HGS: variants seen among roughly 807,000 people sequenced by gnomAD.
The protein encoded by HGS is hepatocyte growth factor-regulated tyrosine kinase substrate.
HGS carries 63 observed loss-of-function variants against 109.7 expected under a neutral mutation model. The observed-to-expected ratio is 0.57, with a 90% CI of 0.47 to 0.71. The LOEUF is 0.71. HGS is among the 30% of genes least tolerant of loss of function. The pLI is 0.00. For synonymous variants in HGS, 546 were observed against 437.3 expected, an observed-to-expected ratio of 1.25 and a Z score of -3.10; for missense variants, 995 against 1,068.3, an observed-to-expected ratio of 0.93 and a Z score of 0.96.
chr17:81,684,132 C>T (rs752782825), intron 1 of HGS, 29 bp downstream of exon 1: 8 of 1,536,800 alleles, frequency 5.2e-6, no homozygotes, highest in Non-Finnish European at 7.0e-6. Flanking sequence ...ACGGCTCGGC[C>T]TTGGTCAGCC....
rs771133922 is a variant in HGS at position 81,687,105 on chromosome 17, A to T, written c.291+10A>T. 1 of 1,606,940 alleles carries T rather than the reference A, an allele frequency of 6.2e-7. No homozygotes were observed. The highest frequency in any genetic ancestry group is 8.5e-7 in the Non-Finnish European group (1 of 1,175,288). On this transcript the variant is annotated intron_variant, in intron 4 of 21. Transcript: ENST00000329138. ...GAAGGACCTGCTGAAGGTGGGTGAG[A>T]CGGGGGCATGCGGGTGGCCACCCAG... is the stretch of plus-strand genomic sequence containing the variant.
In HGS at chr17:81,700,595, T is replaced by C. The variant is rs774433324; in HGVS notation, c.2011T>C (p.Tyr671His). ...SSYQPTPTAG[Y>H]QNVASQAPQS... ...CTACCAGCCTACTCCCACAGCGGGC[T>C]ACCAGGTACACAGGAAGGCCGCTCC... Residue 671 changes from tyrosine (Y) to histidine (H), a missense_variant, in exon 19 of 22, where the codon TAC becomes CAC. Tyr to His is a moderately conservative substitution (Grantham distance 83, BLOSUM62 2). Coordinates refer to ENST00000329138, the MANE Select transcript of HGS (RefSeq NM_004712.5). 6.2e-7 allele frequency: 1 copy of C among 1,604,454 alleles called. No individual in the cohort carries two copies. Among genetic ancestry groups the C allele is most frequent in the East Asian group, 2.2e-5 (1 of 44,754 alleles).
chr17:81,696,925 A>T lies in HGS; in HGVS notation c.1809A>T (p.Pro603=). ...CTGCCGGCTCGGTGGAGGGCTCCCCAATGCACGGCGTGTACATGAGCCAGC... is the reference window on the plus strand; with the variant it reads ...CTGCCGGCTCGGTGGAGGGCTCCCCTATGCACGGCGTGTACATGAGCCAGC... ...FSPAGSVEGS[P]MHGVYMSQPA... Residue 603 remains proline, a synonymous_variant, in exon 18 of 22, where the codon CCA becomes CCT. Transcript: ENST00000329138. The T allele has an allele frequency of 6.2e-7, 1 of 1,607,694 alleles. No individual in the cohort carries two copies. The highest frequency in any genetic ancestry group is 8.5e-7 in the Non-Finnish European group (1 of 1,179,786).
At chr17:81,693,392 C>G in intron 8 of HGS, 111 bp from the exon 9 acceptor site, 2 of 785,328 alleles carry the variant, frequency 2.5e-6, no homozygotes, top group Non-Finnish European at 4.4e-6. Context: ...GAACCACTGT[C>G]CTCACTCTGT....
chr17:81,688,140 C>T (rs571271319), intron 4 of HGS, among the ~76,000 whole-genome samples: 8 of 151,870 alleles, frequency 5.3e-5, no homozygotes, highest in South Asian at 2.1e-4. Flanking sequence ...GATCGCACGC[C>T]GTCCTGCACG....
At position 81,684,039 on chromosome 17, in the gene HGS, C is replaced by A; in HGVS notation, c.-28C>A. ...CCAGCTCGTAGCAGGGGAGCGCCCG[C>A]GGCGTCGGGTTTGGGCTGGAGGTCG... On this transcript the variant is annotated 5_prime_UTR_variant, in exon 1 of 22. Coordinates refer to ENST00000329138, the MANE Select transcript of HGS (RefSeq NM_004712.5). The A allele has an allele frequency of 8.2e-6, 13 of 1,584,414 alleles. No homozygotes were observed. Among genetic ancestry groups the A allele is most frequent in the Non-Finnish European group, 1.1e-5 (13 of 1,168,708 alleles).
chr17:81,698,124 CCT>C (rs1307603622), intron 18 of HGS: 2 of 152,086 alleles, frequency 1.3e-5, no homozygotes, highest in African/African-American at 4.8e-5. Flanking sequence ...ATGGTGAGAC[CCT>C]GTCTCTACTA....
chr17:81,685,953 C>T (rs550819218), intron 2 of HGS, among the ~76,000 whole-genome samples: 12 of 151,840 alleles, frequency 7.9e-5, no homozygotes, highest in South Asian at 2.1e-4. Context: ...TTTTTTAAGA[C>T]GGGGCCTTGC....
At position 81,695,904 on chromosome 17, in the gene HGS, T is replaced by C; in HGVS notation, c.1298T>C (p.Ile433Thr). The change falls in exon 15 of 22, where the codon ATC becomes ACC. Residue 433 changes from isoleucine to threonine, a missense_variant. This residue lies in a region of HGS where 163 missense variants were observed against 217.8 expected (regional missense o/e 0.75). Coordinates refer to ENST00000329138, the MANE Select transcript of HGS (RefSeq NM_004712.5). ...AGTAACCACATGCGGGGCCGCAGCA[T>C]CACCAATGACTCGGCCGTGCTCTCA... ...MKSNHMRGRS[I>T]TNDSAVLSLF... 2 of 1,611,332 alleles carry C rather than the reference T, an allele frequency of 1.2e-6. No homozygotes were observed. The highest frequency in any genetic ancestry group is 1.7e-6 in the Non-Finnish European group (2 of 1,178,410).
rs540419199 is a variant in HGS at position 81,693,448 on chromosome 17, C to A, written c.663-55C>A. 17 of 1,348,708 alleles carry A rather than the reference C, an allele frequency of 1.3e-5. No homozygotes were observed. In the East Asian group the frequency reaches 3.4e-4, roughly 27 times the overall value. The allele number at this position is 1,348,708 out of a possible 1,614,324, so 83.5% of individuals were successfully genotyped here. ...GCAGAGGTGTGGTTGAGAGCTTTGG[C>A]GGGGGCAGGGCGGTGTCAGCGCATG... On this transcript the variant is annotated intron_variant, in intron 8 of 21. Coordinates refer to ENST00000329138, the MANE Select transcript of HGS (RefSeq NM_004712.5).
At chr17:81,699,960 A>G (rs1475404022) in intron 18 of HGS, among the ~76,000 whole-genome samples, 1 of 152,106 alleles carries the variant, frequency 6.6e-6, no homozygotes, top group Non-Finnish European at 1.5e-5. Context: ...CTGTAATCCC[A>G]GCTGCTCGGG....
In HGS at chr17:81,691,953, G is replaced by A. The variant is rs1325754664; in HGVS notation, c.662+382G>A. On this transcript the variant is annotated intron_variant, in intron 8 of 21. Coordinates refer to ENST00000329138, the MANE Select transcript of HGS (RefSeq NM_004712.5). This position sits in a 1 kb window ranked among gnomAD's most constrained non-coding sequence, Gnocchi z 5.3. ...GGTGGGAACCTGCGGGGCCGCGGCC[G>A]GTGCCTCGGCGGTCGGTGTTTTGTC... The A allele has an allele frequency of 2.1e-5, 4 of 192,620 alleles. No homozygotes were observed. The highest frequency in any genetic ancestry group is 1.1e-4 in the South Asian group (1 of 9,410). The allele number at this position is 192,620 out of a possible 1,614,324, so 11.9% of individuals were successfully genotyped here.
chr17:81,701,838 GA>G lies in HGS; in HGVS notation c.*221del. On this transcript the variant is annotated 3_prime_UTR_variant, in exon 22 of 22. Transcript: ENST00000329138. ...TCTTTCCCCAGGGCTGGGCCATGGG[GA>G]GGGAAGGACTTTCTCCCAGGGGAAG... 1.6e-6 allele frequency: 1 copy of G among 620,412 alleles called. No homozygotes were observed. Among genetic ancestry groups the G allele is most frequent in the Non-Finnish European group, 2.5e-6 (1 of 396,186 alleles). 38.4% of individuals were successfully genotyped at this position (620,412 alleles called of 1,614,324 possible).
intron 11 of HGS, 106 bp downstream of exon 11, chr17:81,694,071 C>T (rs565092160): frequency 5.3e-6 from 5 of 948,132 alleles, no homozygotes; most frequent in East Asian, 5.3e-5. Context: ...GATGCGGGTC[C>T]CCGGGCTTCC....
intron 4 of HGS, among the ~76,000 whole-genome samples, chr17:81,687,612 GA>G (rs1475805150): frequency 3.3e-5 from 5 of 152,220 alleles, no homozygotes; most frequent in African/African-American, 1.2e-4. Flanking sequence ...GGCAGAGGAG[GA>G]AAAGCCCTCC....
At chr17:81,688,212 G>C (rs1293960723) in intron 4 of HGS, among the ~76,000 whole-genome samples, 1 of 152,174 alleles carries the variant, frequency 6.6e-6, no homozygotes, top group Non-Finnish European at 1.5e-5. Flanking sequence ...GCTCTAACCG[G>C]GGGAGAGGAT....
In HGS at chr17:81,696,755, C is replaced by T. The variant is rs1347765152; in HGVS notation, c.1707+8C>T. On this transcript the variant is annotated splice_region_variant and intron_variant, in intron 17 of 21. Coordinates refer to ENST00000329138, the MANE Select transcript of HGS (RefSeq NM_004712.5). Reference sequence around the variant, plus strand: ...CCCCTGCCCTACGCCCAGGCATGTGCCATCCTCCCGCCACCCAGAGGCTTG... The same window carrying T: ...CCCCTGCCCTACGCCCAGGCATGTGTCATCCTCCCGCCACCCAGAGGCTTG... The T allele has an allele frequency of 6.2e-7, 1 of 1,603,414 alleles. No individual in the cohort carries two copies. Among genetic ancestry groups the T allele is most frequent in the Admixed American group, 1.7e-5 (1 of 59,630 alleles).
intron 7 of HGS, 166 bp downstream of exon 7, chr17:81,690,908 G>A (rs1308308474): frequency 3.4e-6 from 2 of 583,356 alleles, no homozygotes; most frequent in African/African-American, 1.9e-5. Context: ...GACAGTGAGG[G>A]CCCACGTAAG....
chr17:81,689,828 A>G (rs2037037189), intron 5 of HGS, among the ~76,000 whole-genome samples: 1 of 152,162 alleles, frequency 6.6e-6, no homozygotes, highest in African/African-American at 2.4e-5. Context: ...TCGTGTGTCA[A>G]GAATAGCTCA....
Sources: gnomAD v4.1 joint callset for allele counts (sites outside exome capture counted in the v4.1 genomes callset) on GRCh38, gnomAD v4.1.1 for gene constraint, gnomAD v4.1.1 regional missense constraint, Gnocchi (gnomAD v3.1) non-coding constraint, MANE v1.5 for transcripts, NCBI Gene and HGNC (gene_info 2026-07-23, HGNC 2026-07-21) for gene names.